Variants in CIART observed in about 807,000 individuals in gnomAD.
CIART encodes the protein circadian-associated transcriptional repressor.
In CIART, 7 loss-of-function variants were observed where a neutral mutation model predicts 22.1. The observed-to-expected ratio is 0.32, with a 90% confidence interval of 0.18 to 0.59. The LOEUF (loss-of-function observed/expected upper bound fraction) is 0.59, where lower values mean the gene tolerates loss of function less well. CIART is among the 20% of genes least tolerant of loss of function. CIART has a pLI of 0.86. For missense variants in CIART, 440 were observed against 478.0 expected, an observed-to-expected ratio of 0.92 and a Z score of 0.74; for synonymous variants, 163 against 174.6, an observed-to-expected ratio of 0.93 and a Z score of 0.53.
chr1:150,286,607 C>G lies in CIART; in HGVS notation c.811C>G (p.Leu271Val), dbSNP rs955191846. The change falls in exon 5 of 5, where the codon CTC (leucine) becomes GTC (valine). Residue 271 changes from leucine to valine, a missense_variant. Leu to Val is a conservative substitution (Grantham distance 32, BLOSUM62 1). Transcript: ENST00000290363. Reference sequence around the variant, plus strand: ...CACCACTCCAATTTGCAACCCCCCTCTCAGCTCCCCAGGTACTATCTCCTT... The same window carrying G: ...CACCACTCCAATTTGCAACCCCCCTGTCAGCTCCCCAGGTACTATCTCCTT... ...IHTTPICNPP[L>V]SSPGTISFSH... 2 of 1,610,080 alleles carry G rather than the reference C, an allele frequency of 1.2e-6. No individual in the cohort carries two copies. Among genetic ancestry groups the G allele is most frequent in the Non-Finnish European group, 1.7e-6 (2 of 1,176,272 alleles).
At chr1:150,284,904 T>C in intron 4 of CIART, 196 bp downstream of exon 4, 1 of 597,324 alleles carries the variant, frequency 1.7e-6, no homozygotes, top group Non-Finnish European at 2.9e-6. Context: ...GTTGTTTTGT[T>C]TGAATCACTG....
chr1:150,283,578 C>A lies in CIART; in HGVS notation c.311C>A (p.Thr104Asn), dbSNP rs782597616. The A allele has an allele frequency of 2.5e-6, 4 of 1,613,912 alleles. No homozygotes were observed. Among genetic ancestry groups the A allele is most frequent in the Non-Finnish European group, 3.4e-6 (4 of 1,179,794 alleles). Reference protein sequence around the residue: ...AKRSRDGELETSLNTQGCTTE... With the variant: ...AKRSRDGELENSLNTQGCTTE... ...AGATCAAGAGATGGTGAACTGGAGACCAGTCTAAACACCCAAGGTTGTACC... is the reference window on the plus strand; with the variant it reads ...AGATCAAGAGATGGTGAACTGGAGAACAGTCTAAACACCCAAGGTTGTACC... Residue 104 changes from threonine to asparagine, a missense_variant, in exon 1 of 5, where the codon ACC becomes AAC. Transcript: ENST00000290363.
chr1:150,284,714 A>G lies in CIART; in HGVS notation c.633+6A>G, dbSNP rs1553854281. On this transcript the variant is annotated splice_donor_region_variant and intron_variant, in intron 4 of 4. Coordinates refer to ENST00000290363, the MANE Select transcript of CIART (RefSeq NM_144697.4). ...GCAAGCATCAGCTGACCAAGGTAAGAACTTAAGAACACGAGGAAGAGGTGG... is the reference window on the plus strand; with the variant it reads ...GCAAGCATCAGCTGACCAAGGTAAGGACTTAAGAACACGAGGAAGAGGTGG... The G allele has an allele frequency of 6.3e-7, 1 of 1,591,386 alleles. No homozygotes were observed. The highest frequency in any genetic ancestry group is 1.3e-5 in the African/African-American group (1 of 74,532).
At chr1:150,284,009 A>T (rs2093862) in intron 2 of CIART, 129 bp downstream of exon 2, 193 of 419,590 alleles carry the variant, frequency 4.6e-4, no homozygotes, top group Middle Eastern at 3.5e-3. Context: ...TGACTTTATT[A>T]TTATTATTAT....
chr1:150,283,407 ACACTGT>A lies in CIART; in HGVS notation c.141_146del (p.Thr48_Val49del), dbSNP rs782246273. On this transcript the variant is annotated inframe_deletion, in exon 1 of 5. Transcript: ENST00000290363. ...AAGGGGGCCCATGGGCCCAGGCCAG[ACACTGT>A]TGGGCAGAGGGGAGGTTCACGGCCC... The A allele has an allele frequency of 6.2e-7, 1 of 1,614,012 alleles. No individual in the cohort carries two copies. Among genetic ancestry groups the A allele is most frequent in the Non-Finnish European group, 8.5e-7 (1 of 1,179,922 alleles).
intron 4 of CIART, chr1:150,285,439 G>C (rs1653433429): frequency 6.5e-6 from 1 of 152,750 alleles, no homozygotes; most frequent in African/African-American, 2.4e-5. Flanking sequence ...GGGAGGCTGA[G>C]GCAGGAGAAT....
chr1:150,283,132 G>A lies in CIART; in HGVS notation c.-136G>A. Reference sequence around the variant, plus strand: ...AGGGGGAGAACAAGTATTATCCCACGCAGTACACCCCAATCTCCCAGTTCA... The same window carrying A: ...AGGGGGAGAACAAGTATTATCCCACACAGTACACCCCAATCTCCCAGTTCA... On this transcript the variant is annotated 5_prime_UTR_variant, in exon 1 of 5. Transcript: ENST00000290363. The A allele has an allele frequency of 1.1e-6, 1 of 877,816 alleles. No homozygotes were observed. The highest frequency in any genetic ancestry group is 1.7e-6 in the Non-Finnish European group (1 of 602,084). The allele number at this position is 877,816 out of a possible 1,614,324, so 54.4% of individuals were successfully genotyped here.
intron 4 of CIART, chr1:150,284,920 A>C: frequency 1.7e-6 from 1 of 582,988 alleles, no homozygotes; most frequent in Non-Finnish European, 3.0e-6. Flanking sequence ...CACTGGGAGG[A>C]ACTCCATGAA....
chr1:150,284,789 C>A, intron 4 of CIART, 81 bp downstream of exon 4: 1 of 1,047,174 alleles, frequency 9.5e-7, no homozygotes, highest in South Asian at 1.4e-5. Context: ...CCCCTTTTGC[C>A]ATTTTCTTTT....
At position 150,283,233 on chromosome 1, in the gene CIART, C is replaced by A. The variant is rs782235168; in HGVS notation, c.-35C>A. 6.7e-7 allele frequency: 1 copy of A among 1,495,942 alleles called. No homozygotes were observed. Among genetic ancestry groups the A allele is most frequent in the South Asian group, 1.4e-5 (1 of 70,696 alleles). The allele number at this position is 1,495,942 out of a possible 1,614,324, so 92.7% of individuals were successfully genotyped here. A position where few individuals can be genotyped will look rare whatever the true frequency, so the allele number is the denominator to read the frequency against. On this transcript the variant is annotated 5_prime_UTR_variant, in exon 1 of 5. Transcript: ENST00000290363. The stretch of plus-strand genomic sequence containing the variant: ...TTGCAGGTTCCGATCTTTGGGTACT[C>A]CAGGAGCTGTTCTATAGCCCCTGCT...
rs1553853828 is a variant in CIART, at chr1:150,283,050, C to CG, written c.-213dup. The CG allele has an allele frequency of 4.1e-6, 1 of 245,484 alleles. No homozygotes were observed. Among genetic ancestry groups the CG allele is most frequent in the Non-Finnish European group, 6.5e-6 (1 of 154,620 alleles). The allele number at this position is 245,484 out of a possible 1,614,324, so 15.2% of individuals were successfully genotyped here. On this transcript the variant is annotated 5_prime_UTR_variant, in exon 1 of 5. An upstream open reading frame in the 5' UTR gains an earlier in-frame stop. Transcript: ENST00000290363. ...GAGGGAATCCCAAGCTCTTAATGGGCGGGGGTGGGGGTAGAAATGTCTTTT... is the reference window on the plus strand; with the variant it reads ...GAGGGAATCCCAAGCTCTTAATGGGCGGGGGGTGGGGGTAGAAATGTCTTTT...
chr1:150,284,852 A>C (rs942453), intron 4 of CIART, 144 bp downstream of exon 4: 1 of 629,030 alleles, frequency 1.6e-6, no homozygotes, highest in Non-Finnish European at 2.8e-6. Context: ...AACTTTCTGC[A>C]TTGTCTTGAT....
chr1:150,282,730 G>C lies in CIART; in HGVS notation c.-538G>C, dbSNP rs1380956579. On this transcript the variant is annotated 5_prime_UTR_variant, in exon 1 of 5. Coordinates refer to ENST00000290363, the MANE Select transcript of CIART (RefSeq NM_144697.4). ...GGTTTGCATCACGTGGCAGGTGCGA[G>C]CCCAGAGAGACCGGCGCAGGGATCC... 6.5e-6 allele frequency: 1 copy of C among 152,798 alleles called. No homozygotes were observed. The highest frequency in any genetic ancestry group is 6.5e-5 in the Admixed American group (1 of 15,290). The allele number at this position is 152,798 out of a possible 1,614,324, so 9.5% of individuals were successfully genotyped here. A position where few individuals can be genotyped will look rare whatever the true frequency, so the allele number is the denominator to read the frequency against.
Position 150,283,802 on chromosome 1 carries a change from C to T in CIART, c.367-3C>T. ...TTACAGCCTTTGTCCTATTTTCCTA[C>T]AGTGTAAAGAACTCCAAGGATTTAT... On this transcript the variant is annotated splice_region_variant and splice_polypyrimidine_tract_variant and intron_variant, in intron 1 of 4. Coordinates refer to ENST00000290363, the MANE Select transcript of CIART (RefSeq NM_144697.4). 1 of 1,581,456 alleles carries T rather than the reference C, an allele frequency of 6.3e-7. No homozygotes were observed. Among genetic ancestry groups the T allele is most frequent in the African/African-American group, 1.3e-5 (1 of 74,228 alleles).
intron 2 of CIART, 29 bp downstream of exon 2, chr1:150,283,909 T>C: frequency 6.6e-7 from 1 of 1,504,842 alleles, no homozygotes; most frequent in South Asian, 1.1e-5. Flanking sequence ...TCATTTGGGC[T>C]AGGTTCATTT....
intron 4 of CIART, chr1:150,285,336 G>C (rs1218606761): frequency 6.5e-6 from 1 of 152,820 alleles, no homozygotes; most frequent in Non-Finnish European, 1.5e-5. Context: ...AGGAGTTCGA[G>C]ACCAGCCTGG....
Position 150,286,366 on chromosome 1 carries a change from C to T in CIART, c.634-64C>T, listed in dbSNP as rs141385237. ...CCAAGGAATGCAAAGGTTTAAGTAACCAGGTGGAGCTCATCTGAATGCTTT... is the reference window on the plus strand; with the variant it reads ...CCAAGGAATGCAAAGGTTTAAGTAATCAGGTGGAGCTCATCTGAATGCTTT... On this transcript the variant is annotated intron_variant, in intron 4 of 4. Coordinates refer to ENST00000290363, the MANE Select transcript of CIART (RefSeq NM_144697.4). 6.6e-5 allele frequency: 92 copies of T among 1,401,728 alleles called. No homozygotes were observed. In the African/African-American group the frequency reaches 1.2e-3, roughly 18 times the overall value. 86.8% of individuals were successfully genotyped at this position (1,401,728 alleles called of 1,614,324 possible). A position where few individuals can be genotyped will look rare whatever the true frequency, so the allele number is the denominator to read the frequency against.
At position 150,283,841 on chromosome 1, in the gene CIART, G is replaced by C. The variant is rs1182013569; in HGVS notation, c.403G>C (p.Asp135His). ...ELQGFIPPLTDLLNGLKMGRF... is the reference protein window; with the variant it reads ...ELQGFIPPLTHLLNGLKMGRF... ...CCAAGGATTTATACCTCCTCTCACA[G>C]ACCTACTCAATGGGCTGAAGATGGG... The change falls in exon 2 of 5, where the codon GAC (aspartate) becomes CAC (histidine). Residue 135 changes from aspartate to histidine, a missense_variant. Transcript: ENST00000290363. The C allele has an allele frequency of 2.3e-5, 36 of 1,596,356 alleles. No homozygotes were observed. Among genetic ancestry groups the C allele is most frequent in the Non-Finnish European group, 3.1e-5 (36 of 1,164,300 alleles).
chr1:150,285,136 G>A, intron 4 of CIART: 1 of 190,926 alleles, frequency 5.2e-6, no homozygotes, highest in Non-Finnish European at 1.1e-5. Flanking sequence ...CAGTTTTTGA[G>A]TCTACACTGG....
Sources: allele counts gnomAD v4.1 joint callset, GRCh38; gene constraint gnomAD v4.1.1; transcripts MANE v1.5; gene names NCBI Gene and HGNC (gene_info 2026-07-23, HGNC 2026-07-21).